KAT6A: variants seen among roughly 807,000 people sequenced by gnomAD.
The protein encoded by KAT6A is lysine acetyltransferase 6A.
A neutral mutation model predicts 198.4 loss-of-function variants in KAT6A; 9 were observed. The ratio of observed to expected loss-of-function variants is 0.05; its 90% CI spans 0.03 to 0.08. KAT6A has a LOEUF of 0.08. KAT6A is among the 10% of genes least tolerant of loss of function. KAT6A has a pLI of 1.00. For missense variants in KAT6A, 2,077 were observed against 2,509.9 expected, an observed-to-expected ratio of 0.83 and a Z score of 3.69; for synonymous variants, 890 against 883.0, an observed-to-expected ratio of 1.01 and a Z score of -0.14.
chr8:41,983,971 A>C, intron 3 of KAT6A, among the ~76,000 whole-genome samples: 1 of 152,252 alleles, frequency 6.6e-6, no homozygotes, highest in East Asian at 1.9e-4. Context: ...TTAGAAATGT[A>C]AACATGTTCT....
At chr8:41,944,053 T>C (rs886813414) in intron 12 of KAT6A, 74 bp from the exon 13 acceptor site, 85 of 937,904 alleles carry the variant, frequency 9.1e-5, no homozygotes, top group Non-Finnish European at 1.2e-4. Flanking sequence ...AAAATAACAA[T>C]CCCCTCTTCT....
intron 9 of KAT6A, among the ~76,000 whole-genome samples, chr8:41,952,384 A>G (rs1050574295): frequency 6.6e-6 from 1 of 152,182 alleles, no homozygotes; most frequent in Non-Finnish European, 1.5e-5. Flanking sequence ...GCATCCAATG[A>G]TCATAATTTC....
intron 2 of KAT6A, among the ~76,000 whole-genome samples, chr8:42,016,711 G>A (rs1042666306): frequency 6.6e-6 from 1 of 152,154 alleles, no homozygotes; most frequent in African/African-American, 2.4e-5. Flanking sequence ...ACTATAAAGA[G>A]AGGAGGGAGA....
intron 4 of KAT6A, among the ~76,000 whole-genome samples, chr8:41,981,135 T>C (rs1587777549): frequency 6.6e-6 from 1 of 152,082 alleles, no homozygotes; most frequent in African/African-American, 2.4e-5. Context: ...CTGACCAACA[T>C]GGTGAAACCC....
chr8:42,037,505 A>C (rs956275585), intron 2 of KAT6A, among the ~76,000 whole-genome samples: 1 of 152,214 alleles, frequency 6.6e-6, no homozygotes, highest in Non-Finnish European at 1.5e-5. Flanking sequence ...CCTAGACTTT[A>C]CTAAGCTCAA....
chr8:42,001,521 C>T lies in KAT6A; in HGVS notation c.601-13958G>A, dbSNP rs1825493393. On this transcript the variant is annotated intron_variant, in intron 2 of 16. Transcript: ENST00000265713. ...GACTACATTCTAAAATTTTTCTATG[C>T]TACAATAAAAATCTTGAAACTTGCA... is the stretch of plus-strand genomic sequence containing the variant. 2.0e-5 allele frequency among the ~76,000 whole-genome samples: 3 copies of T among 152,220 alleles called. No homozygotes were observed. In the South Asian group the frequency reaches 6.2e-4, roughly 32 times the overall value.
At chr8:42,041,213 AC>A (rs1232583082) in intron 2 of KAT6A, among the ~76,000 whole-genome samples, 253 of 143,430 alleles carry the variant, frequency 1.8e-3, no homozygotes, top group African/African-American at 5.8e-3. Flanking sequence ...AAAAAAAAAA[AC>A]TGTGCAGCTG....
rs150230451 is a variant in KAT6A, at chr8:41,934,038, G to A, written c.4182C>T (p.Asp1394=). The A allele has an allele frequency of 3.1e-5, 50 of 1,613,894 alleles. No individual in the cohort carries two copies. The highest frequency in any genetic ancestry group is 1.6e-4 in the Middle Eastern group (1 of 6,084). ...TAGTGTGGGAGTCTTCTTCGTGGTCGTCCTCAGACCCAGCCATCTGCTCTG... is the reference window on the plus strand; with the variant it reads ...TAGTGTGGGAGTCTTCTTCGTGGTCATCCTCAGACCCAGCCATCTGCTCTG... ...VVSEQMAGSE[D]DHEEDSHTKE... The change falls in exon 17 of 17, where the codon GAC becomes GAT. Residue 1394 remains aspartate, a synonymous_variant. Transcript: ENST00000265713.
chr8:41,987,656 A>C, intron 2 of KAT6A, 93 bp from the exon 3 acceptor site: 1 of 807,908 alleles, frequency 1.2e-6, no homozygotes. Context: ...TTCCTACCAG[A>C]GTAAGTTTAG....
rs548231613 is a variant in KAT6A at position 41,933,168 on chromosome 8, CTGCGGCTGCTGT to C, written c.5040_5051del (p.Gln1681_Gln1684del). 2,061 of 1,597,142 alleles carry C rather than the reference CTGCGGCTGCTGT, an allele frequency of 1.3e-3. 5 individuals carry two copies. Among genetic ancestry groups the C allele is most frequent in the Non-Finnish European group, 1.6e-3 (1,874 of 1,174,046 alleles). On this transcript the variant is annotated inframe_deletion, in exon 17 of 17. Coordinates refer to ENST00000265713, the MANE Select transcript of KAT6A (RefSeq NM_006766.5). The surrounding 1 kb of genome is among the most constrained non-coding windows in gnomAD (Gnocchi z 6.2). ...GGGGTGGAGGCTGCTGGGGCTGAGG[CTGCGGCTGCTGT>C]TGCGGCTGCTGCTGGGGTGGTGGAG...
In KAT6A at chr8:41,932,607, CTGG is replaced by C. The variant is rs771236084; in HGVS notation, c.5610_5612del (p.His1870del). On this transcript the variant is annotated inframe_deletion, in exon 17 of 17. Transcript: ENST00000265713. Reference sequence around the variant, plus strand: ...ATGGGCTACGGCCATACAGCTGCTGCTGGTGAGCAGCCGCAGAGGGCAGTGGCG... The same window carrying C: ...ATGGGCTACGGCCATACAGCTGCTGCTGAGCAGCCGCAGAGGGCAGTGGCG... The C allele has an allele frequency of 6.2e-7, 1 of 1,614,046 alleles. No homozygotes were observed. Among genetic ancestry groups the C allele is most frequent in the South Asian group, 1.1e-5 (1 of 91,080 alleles).
At chr8:42,040,834 A>C (rs1434318810) in intron 2 of KAT6A, among the ~76,000 whole-genome samples, 5 of 151,732 alleles carry the variant, frequency 3.3e-5, no homozygotes, top group Non-Finnish European at 5.9e-5. Context: ...AAGCTTTAGT[A>C]GCTCAGTAGC....
At chr8:41,962,541 A>G (rs1823257079) in intron 8 of KAT6A, among the ~76,000 whole-genome samples, 1 of 151,542 alleles carries the variant, frequency 6.6e-6, no homozygotes, top group Admixed American at 6.6e-5. Flanking sequence ...TGATCCAAAC[A>G]CCATGTCTCT....
At chr8:41,970,973 C>CA (rs1332278543) in intron 8 of KAT6A, among the ~76,000 whole-genome samples, 1 of 149,062 alleles carries the variant, frequency 6.7e-6, no homozygotes, top group Non-Finnish European at 1.5e-5. Context: ...ATTGTAAGGA[C>CA]AAAAAAACCA....
At chr8:41,952,579 A>AT (rs1230920949) in intron 9 of KAT6A, among the ~76,000 whole-genome samples, 1 of 152,216 alleles carries the variant, frequency 6.6e-6, no homozygotes, top group Non-Finnish European at 1.5e-5. Flanking sequence ...CATTCCGTAA[A>AT]GTATAATCCC....
At chr8:42,020,619 A>G (rs1490005061) in intron 2 of KAT6A, among the ~76,000 whole-genome samples, 1 of 152,208 alleles carries the variant, frequency 6.6e-6, no homozygotes, top group African/African-American at 2.4e-5. Context: ...GAATGTCTGA[A>G]AATAAGCATA....
At chr8:42,020,000 G>A (rs1199870004) in intron 2 of KAT6A, among the ~76,000 whole-genome samples, 1 of 152,038 alleles carries the variant, frequency 6.6e-6, no homozygotes, top group East Asian at 1.9e-4. Context: ...TTCCAAGATA[G>A]CATATTCAAA....
At chr8:41,953,389 T>A (rs904479304) in intron 9 of KAT6A, among the ~76,000 whole-genome samples, 1 of 152,222 alleles carries the variant, frequency 6.6e-6, no homozygotes, top group Admixed American at 6.5e-5. Context: ...CTCTTGTGAT[T>A]TGGGCAGCTT....
chr8:42,043,267 G>A (rs543247862), intron 2 of KAT6A, among the ~76,000 whole-genome samples: 2 of 152,174 alleles, frequency 1.3e-5, no homozygotes, highest in South Asian at 4.1e-4. Context: ...ATTTCAAAAA[G>A]AAATTTACAA....
Sources: allele counts gnomAD v4.1 joint callset (sites outside exome capture counted in the v4.1 genomes callset), GRCh38; gene constraint gnomAD v4.1.1; non-coding constraint Gnocchi (gnomAD v3.1); transcripts MANE v1.5; gene names NCBI Gene and HGNC (gene_info 2026-07-23, HGNC 2026-07-21).